The following MTMR2 variants were observed in gnomAD, a reference collection of about 807,000 sequenced individuals.
The protein encoded by MTMR2 is phosphatidylinositol-3,5-bisphosphate 3-phosphatase MTMR2.
In MTMR2, 55 loss-of-function variants were observed where a neutral mutation model predicts 86.9. The ratio of observed to expected loss-of-function variants is 0.63; its 90% confidence interval spans 0.51 to 0.79. The LOEUF (loss-of-function observed/expected upper bound fraction) is 0.79. Among genes scored for constraint, MTMR2 ranks in the 30% least tolerant of loss-of-function variants. The pLI is 0.00. For missense variants in MTMR2, 659 were observed against 772.3 expected, an observed-to-expected ratio of 0.85 and a Z score of 1.74; for synonymous variants, 241 against 266.8, an observed-to-expected ratio of 0.90 and a Z score of 0.94.
chr11:95,910,148 C>T (rs1335776584), intron 1 of MTMR2, among the ~76,000 whole-genome samples: 1 of 150,634 alleles, frequency 6.6e-6, no homozygotes, highest in South Asian at 2.1e-4. Context: ...CACACACACA[C>T]CCTACATGAT....
At chr11:95,872,947 C>A (rs192249604) in intron 2 of MTMR2, among the ~76,000 whole-genome samples, 1 of 152,230 alleles carries the variant, frequency 6.6e-6, no homozygotes, top group Non-Finnish European at 1.5e-5. Context: ...ACCAGCCTTA[C>A]ATCCCAGGGA....
intron 2 of MTMR2, among the ~76,000 whole-genome samples, chr11:95,883,003 C>A (rs1039577119): frequency 6.7e-6 from 1 of 149,854 alleles, no homozygotes; most frequent in Non-Finnish European, 1.5e-5. Flanking sequence ...ATCTCGGCCT[C>A]CCAAAGTGCT....
chr11:95,894,816 C>G (rs1440181241), intron 1 of MTMR2, among the ~76,000 whole-genome samples: 3 of 151,974 alleles, frequency 2.0e-5, no homozygotes, highest in African/African-American at 7.2e-5. Flanking sequence ...GAAGACAGTA[C>G]CAAGGGAAGA....
intron 2 of MTMR2, among the ~76,000 whole-genome samples, chr11:95,882,823 C>T (rs58251643): frequency 0.055 from 8,141 of 148,040 alleles, 738 homozygotes; most frequent in African/African-American, 0.19. Context: ...CCCGGGTTCA[C>T]GCCATTTTCC....
intron 1 of MTMR2, among the ~76,000 whole-genome samples, chr11:95,908,076 A>G (rs1036593658): frequency 2.6e-5 from 4 of 152,164 alleles, no homozygotes; most frequent in Admixed American, 6.6e-5. Flanking sequence ...CAGATGATAT[A>G]TTTCATACCT....
intron 2 of MTMR2, among the ~76,000 whole-genome samples, chr11:95,865,958 T>C (rs1864600604): frequency 1.3e-5 from 2 of 152,118 alleles, no homozygotes; most frequent in Non-Finnish European, 2.9e-5. Flanking sequence ...AGCCTAACAA[T>C]AAAAGAGGTA....
intron 2 of MTMR2, among the ~76,000 whole-genome samples, chr11:95,868,331 T>G (rs1299020283): frequency 3.0e-5 from 2 of 67,522 alleles, no homozygotes; most frequent in Non-Finnish European, 6.4e-5. Flanking sequence ...AAAAAAGAAA[T>G]AGAGTAGAAA....
intron 1 of MTMR2, among the ~76,000 whole-genome samples, chr11:95,893,377 T>C (rs1165493614): frequency 6.6e-6 from 1 of 152,086 alleles, no homozygotes; most frequent in Non-Finnish European, 1.5e-5. Context: ...TTTCTAAATA[T>C]TTAACTTTCT....
intron 1 of MTMR2, among the ~76,000 whole-genome samples, chr11:95,890,122 G>C (rs1237441821): frequency 6.6e-6 from 1 of 152,150 alleles, no homozygotes; most frequent in Non-Finnish European, 1.5e-5. Context: ...TGAATGAAAA[G>C]TGGCATTCCA....
In MTMR2 at chr11:95,844,765, T is replaced by C. The variant is rs580255; in HGVS notation, c.1386+188A>G. Among the ~76,000 whole-genome samples, 42,451 of 152,050 alleles carry C rather than the reference T, an allele frequency of 0.28. 7,114 individuals carry two copies. Among genetic ancestry groups the C allele is most frequent in the Non-Finnish European group, 0.38 (25,860 of 67,968 alleles). Reference sequence around the variant, plus strand: ...AAGACTGGGTCAGACACTTGACAAATAGCTAGCTCTGACTCCAGACTAGTC... The same window carrying C: ...AAGACTGGGTCAGACACTTGACAAACAGCTAGCTCTGACTCCAGACTAGTC... On this transcript the variant is annotated intron_variant, in intron 11 of 14. Coordinates refer to ENST00000346299, the MANE Select transcript of MTMR2 (RefSeq NM_016156.6).
rs547906061 is a variant in MTMR2 at position 95,895,288 on chromosome 11, G to A, written c.81-7027C>T. Reference sequence around the variant, plus strand: ...TGGCCAAATATCAACTATTTCAGATGGCTCCATGTGCTAATGAAGGAAACA... The same window carrying A: ...TGGCCAAATATCAACTATTTCAGATAGCTCCATGTGCTAATGAAGGAAACA... On this transcript the variant is annotated intron_variant, in intron 1 of 14. Coordinates refer to ENST00000346299, the MANE Select transcript of MTMR2 (RefSeq NM_016156.6). Among the ~76,000 whole-genome samples, 8 of 152,100 alleles carry A rather than the reference G, an allele frequency of 5.3e-5. No homozygotes were observed. In the South Asian group the frequency reaches 1.7e-3, roughly 32 times the overall value.
At chr11:95,890,415 C>A (rs1192445722) in intron 1 of MTMR2, among the ~76,000 whole-genome samples, 2 of 152,136 alleles carry the variant, frequency 1.3e-5, no homozygotes, top group African/African-American at 2.4e-5. Flanking sequence ...TTGTGCCCTG[C>A]CGAAGACAAG....
chr11:95,860,648 A>G (rs1439722745), intron 5 of MTMR2, among the ~76,000 whole-genome samples: 1 of 152,236 alleles, frequency 6.6e-6, no homozygotes, highest in Non-Finnish European at 1.5e-5. Context: ...GAAAGGAACA[A>G]TGTGATGTAG....
At chr11:95,879,037 A>G (rs764519940) in intron 2 of MTMR2, among the ~76,000 whole-genome samples, 4 of 152,120 alleles carry the variant, frequency 2.6e-5, no homozygotes, top group Admixed American at 6.6e-5. Context: ...AAGGTGACAT[A>G]TATCTCCCAA....
At chr11:95,885,440 G>A (rs1396661143) in intron 2 of MTMR2, among the ~76,000 whole-genome samples, 1 of 152,066 alleles carries the variant, frequency 6.6e-6, no homozygotes, top group African/African-American at 2.4e-5. Flanking sequence ...TTATGAGTCT[G>A]GAGCATCTTG....
At chr11:95,869,686 G>A (rs1462285888) in intron 2 of MTMR2, among the ~76,000 whole-genome samples, 1 of 152,114 alleles carries the variant, frequency 6.6e-6, no homozygotes, top group Non-Finnish European at 1.5e-5. Context: ...CACAACTTAG[G>A]AAAATTAATG....
chr11:95,835,319 A>G lies in MTMR2; in HGVS notation c.1903T>C (p.Cys635Arg), dbSNP rs1274057698. Reference sequence around the variant, plus strand: ...ACAACAGTTTGGACAGGAGTGACACACTGTGCAGGAGAGCTGGCTCTCTCT... The same window carrying G: ...ACAACAGTTTGGACAGGAGTGACACGCTGTGCAGGAGAGCTGGCTCTCTCT... ...SSERASSPAQ[C>R]VTPVQTVV Residue 635 changes from cysteine to arginine, a missense_variant, in exon 15 of 15, where the codon TGT becomes CGT. Cys to Arg is a radical substitution (Grantham distance 180). Coordinates refer to ENST00000346299, the MANE Select transcript of MTMR2 (RefSeq NM_016156.6). 6.2e-7 allele frequency: 1 copy of G among 1,613,038 alleles called. No homozygotes were observed. Among genetic ancestry groups the G allele is most frequent in the South Asian group, 1.1e-5 (1 of 91,058 alleles).
rs1565348037 is a variant in MTMR2, at chr11:95,844,975, C to T, written c.1364G>A (p.Ser455Asn). ...TACTAGTTGAAATCGATGTCCAAAA[C>T]TTAGCCATTCTTTCTCCACAAGGAC... ...FEVLVEKEWL[S>N]FGHRFQLRVG... The change falls in exon 11 of 15, where the codon AGT (serine) becomes AAT (asparagine). Residue 455 changes from serine to asparagine, a missense_variant. Ser to Asn is a conservative substitution (Grantham distance 46). Transcript: ENST00000346299. 1 of 1,613,682 alleles carries T rather than the reference C, an allele frequency of 6.2e-7. No homozygotes were observed. The highest frequency in any genetic ancestry group is 8.5e-7 in the Non-Finnish European group (1 of 1,179,704).
At chr11:95,874,333 C>T (rs1258791457) in intron 2 of MTMR2, among the ~76,000 whole-genome samples, 7 of 152,062 alleles carry the variant, frequency 4.6e-5, no homozygotes, top group African/African-American at 1.4e-4. Context: ...TGAATTGATC[C>T]CTTTACCATT....
Sources: gnomAD v4.1 joint callset for allele counts (sites outside exome capture counted in the v4.1 genomes callset) on GRCh38, gnomAD v4.1.1 for gene constraint, MANE v1.5 for transcripts, NCBI Gene and HGNC (gene_info 2026-07-23, HGNC 2026-07-21) for gene names.